The following SETD1B variants were observed in gnomAD, a reference collection of about 807,000 sequenced individuals.
SETD1B encodes the protein SET domain containing 1B, histone lysine methyltransferase.
SETD1B carries 7 observed loss-of-function variants against 148.0 expected under a neutral mutation model. The observed-to-expected ratio is 0.05, with a 90% confidence interval of 0.03 to 0.09. The LOEUF (loss-of-function observed/expected upper bound fraction) is 0.09, where lower values mean the gene tolerates loss of function less well. SETD1B is among the 10% of genes least tolerant of loss of function. The pLI, the probability that SETD1B is intolerant of heterozygous loss-of-function variation, is 1.00. For missense variants in SETD1B, 2,155 were observed against 2,729.9 expected, an observed-to-expected ratio of 0.79 and a Z score of 4.69; for synonymous variants, 1,361 against 1,186.5, an observed-to-expected ratio of 1.15 and a Z score of -3.02.
At chr12:121,799,872 A>G (rs1875241287), upstream of SETD1B, 1 of 152,222 alleles carries the variant, frequency 6.6e-6, no homozygotes, top group South Asian at 2.1e-4. Context: ...GTCAGAGTCA[A>G]ACTAGGCCTG....
At chr12:121,825,164 C>T (rs1267602322) in intron 12 of SETD1B, 36 bp from the exon 13 acceptor site, 8 of 1,547,474 alleles carry the variant, frequency 5.2e-6, no homozygotes, top group Non-Finnish European at 7.0e-6. Context: ...AGAAGGGGCT[C>T]TCAGAATGTC....
Position 121,808,264 on chromosome 12 carries a change from A to C in SETD1B, c.601A>C (p.Thr201Pro), listed in dbSNP as rs1875844267. 6.5e-7 allele frequency: 1 copy of C among 1,537,194 alleles called. No individual in the cohort carries two copies. Residue 201 changes from threonine to proline, a missense_variant, in exon 5 of 17, where the codon ACC (threonine) becomes CCC (proline). Physicochemically the swap from Thr to Pro is conservative, Grantham distance 38. Around this residue, in one of 11 missense-constraint regions of SETD1B, gnomAD observed 124 missense variants for 282.9 expected, o/e 0.44. Transcript: ENST00000604567. This position sits in a 1 kb window ranked among gnomAD's most constrained non-coding sequence, Gnocchi z 5.3. ...LLVTGRYTPQTLPVGELDAVS... is the reference protein window; with the variant it reads ...LLVTGRYTPQPLPVGELDAVS... The stretch of plus-strand genomic sequence containing the variant: ...GGTCACTGGCCGATACACCCCCCAG[A>C]CCCTCCCAGTGGGCGAGCTGGACGC...
chr12:121,804,598 T>G lies in SETD1B; in HGVS notation c.-14-126T>G, dbSNP rs1875619004. 1 of 746,558 alleles carries G rather than the reference T, an allele frequency of 1.3e-6. No individual in the cohort carries two copies. The highest frequency in any genetic ancestry group is 3.0e-5 in the Admixed American group (1 of 33,640). 46.2% of individuals were successfully genotyped at this position (746,558 alleles called of 1,614,324 possible). A position where few individuals can be genotyped will look rare whatever the true frequency, so the allele number is the denominator to read the frequency against. On this transcript the variant is annotated intron_variant, in intron 1 of 16. Transcript: ENST00000604567. The surrounding 1 kb of genome is among the most constrained non-coding windows in gnomAD (Gnocchi z 4.6). The stretch of plus-strand genomic sequence containing the variant: ...TTTTGGGGGGAGCCAGCGAGACAGC[T>G]CCTTTCGGGGCGCGCTGGCAAGGTG...
chr12:121,798,825 GC>G, the SETD1B span, among the ~76,000 whole-genome samples: 1 of 152,192 alleles, frequency 6.6e-6, no homozygotes, highest in African/African-American at 2.4e-5. Flanking sequence ...ACCAAGGGCC[GC>G]CATCTCCAGC....
chr12:121,809,728 C>T lies in SETD1B; in HGVS notation c.783C>T (p.Cys261=). The T allele has an allele frequency of 1.3e-6, 2 of 1,551,590 alleles. No homozygotes were observed. Among genetic ancestry groups the T allele is most frequent in the Non-Finnish European group, 1.7e-6 (2 of 1,146,984 alleles). ...CCCAGGACACAGCTTATTCCAGCTG[C>T]CGCCTGGACACACCCAACTCCTATG... ...PFSQDTAYSS[C]RLDTPNSYGQ... The change falls in exon 6 of 17, where the codon TGC becomes TGT. Residue 261 remains cysteine, a synonymous_variant. Coordinates refer to ENST00000604567, the MANE Select transcript of SETD1B (RefSeq NM_001353345.2).
chr12:121,810,758 G>A lies in SETD1B; in HGVS notation c.1813G>A (p.Gly605Arg), dbSNP rs1875995057. 3 of 1,549,654 alleles carry A rather than the reference G, an allele frequency of 1.9e-6. No homozygotes were observed. The highest frequency in any genetic ancestry group is 2.4e-5 in the South Asian group (2 of 83,924). ...PPEPGPPDPA[G>R]LLSQTAEVAL... ...TGAGCCAGGCCCCCCGGACCCTGCT[G>A]GGCTTCTGAGCCAGACAGCTGAGGT... The change falls in exon 6 of 17, where the codon GGG (glycine) becomes AGG (arginine). Residue 605 changes from glycine (G) to arginine (R), a missense_variant. Gly to Arg is a moderately radical substitution (Grantham distance 125). This residue lies in a region of SETD1B where 295 missense variants were observed against 303.8 expected (regional missense o/e 0.97). Coordinates refer to ENST00000604567, the MANE Select transcript of SETD1B (RefSeq NM_001353345.2). The surrounding 1 kb of genome is among the most constrained non-coding windows in gnomAD (Gnocchi z 7.6).
chr12:121,832,603 T>C lies in SETD1B; in HGVS notation c.*2364T>C. 3.8e-6 allele frequency: 1 copy of C among 260,766 alleles called. No homozygotes were observed. Among genetic ancestry groups the C allele is most frequent in the Non-Finnish European group, 7.4e-6 (1 of 135,344 alleles). 16.2% of individuals were successfully genotyped at this position (260,766 alleles called of 1,614,324 possible). A position where few individuals can be genotyped will look rare whatever the true frequency, so the allele number is the denominator to read the frequency against. On this transcript the variant is annotated 3_prime_UTR_variant, in exon 17 of 17. Transcript: ENST00000604567. ...GTGAATTCAATACTATGTACCATTG[T>C]ATTATAGTAACTTTTATAAAGCAAA...
At position 121,814,707 on chromosome 12, in the gene SETD1B, G is replaced by A. The variant is rs1012451896; in HGVS notation, c.2492G>A (p.Gly831Glu). The change falls in exon 7 of 17, where the codon GGG (glycine) becomes GAG (glutamate). Residue 831 changes from glycine (G) to glutamate (E), a missense_variant. By Grantham distance (98) the Gly-to-Glu change is moderately conservative. This residue lies in a region of SETD1B where 289 missense variants were observed against 423.7 expected (regional missense o/e 0.68). Transcript: ENST00000604567. ...CTGAGCAACTCCGGCCCAGGCCGCG[G>A]GCAGCACTGGCCACCACTGCCCAAG... ...FSLSNSGPGR[G>E]QHWPPLPKFD... The A allele has an allele frequency of 4.5e-6, 7 of 1,550,558 alleles. No individual in the cohort carries two copies. In the East Asian group the frequency reaches 1.7e-4, roughly 38 times the overall value.
chr12:121,803,157 G>T (rs1442278148), upstream of SETD1B: 1 of 149,594 alleles, frequency 6.7e-6, no homozygotes, highest in Non-Finnish European at 1.5e-5. The surrounding 1 kb of genome is among the most constrained non-coding windows in gnomAD (Gnocchi z 4.7). Context: ...CGGCAGAGGG[G>T]GCTGCAAACG....
chr12:121,813,612 G>A (rs1026612725), intron 6 of SETD1B, among the ~76,000 whole-genome samples: 1 of 152,138 alleles, frequency 6.6e-6, no homozygotes, highest in South Asian at 2.1e-4. Context: ...GTTTAGAAAG[G>A]CCCTGGCACA....
chr12:121,798,496 G>A, the SETD1B span, among the ~76,000 whole-genome samples: 4 of 152,328 alleles, frequency 2.6e-5, no homozygotes, highest in Middle Eastern at 3.4e-3. Context: ...TGGGAGGAGG[G>A]CCTCTTTAAC....
Position 121,822,743 on chromosome 12 carries a change from G to A in SETD1B, c.4164G>A (p.Pro1388=), listed in dbSNP as rs937085254. ...TVPATPGGEP[P]LSGGSSGLSL... ...CAGCCACACCAGGCGGGGAGCCCCC[G>A]CTATCAGGGGGCAGCAGTGGCCTGT... is the stretch of plus-strand genomic sequence containing the variant. Residue 1388 remains proline (P), a synonymous_variant, in exon 12 of 17, where the codon CCG becomes CCA. Transcript: ENST00000604567. The A allele has an allele frequency of 4.1e-5, 62 of 1,515,566 alleles. No individual in the cohort carries two copies. The highest frequency in any genetic ancestry group is 5.0e-5 in the Non-Finnish European group (56 of 1,124,128). The allele number at this position is 1,515,566 out of a possible 1,614,324, so 93.9% of individuals were successfully genotyped here.
Position 121,805,456 on chromosome 12 carries a change from G to T in SETD1B, c.273+240G>T, listed in dbSNP as rs1307521537. Among the ~76,000 whole-genome samples, 1 of 152,140 alleles carries T rather than the reference G, an allele frequency of 6.6e-6. No individual in the cohort carries two copies. Among genetic ancestry groups the T allele is most frequent in the African/African-American group, 2.4e-5 (1 of 41,414 alleles). The stretch of plus-strand genomic sequence containing the variant: ...TACAGTGTCCTGCACGCCCCGCGGG[G>T]GGCTCGGCTCCGAGACTCTCCCCTC... On this transcript the variant is annotated intron_variant, in intron 3 of 16. Coordinates refer to ENST00000604567, the MANE Select transcript of SETD1B (RefSeq NM_001353345.2). The surrounding 1 kb of genome is among the most constrained non-coding windows in gnomAD (Gnocchi z 4.2).
rs1877117390 is a variant in SETD1B at position 121,831,950 on chromosome 12, G to A, written c.*1711G>A. On this transcript the variant is annotated 3_prime_UTR_variant, in exon 17 of 17. Coordinates refer to ENST00000604567, the MANE Select transcript of SETD1B (RefSeq NM_001353345.2). ...CTCTCTATTTGAGACTGTGCCCGCC[G>A]GTTTCAAGATCAAGGAAATTGGTGG... 1.3e-5 allele frequency: 2 copies of A among 151,790 alleles called. No individual in the cohort carries two copies. The highest frequency in any genetic ancestry group is 6.6e-5 in the Admixed American group (1 of 15,222). 9.4% of individuals were successfully genotyped at this position (151,790 alleles called of 1,614,324 possible).
At position 121,805,337 on chromosome 12, in the gene SETD1B, T is replaced by A; in HGVS notation, c.273+121T>A. The A allele has an allele frequency of 1.2e-6, 1 of 851,040 alleles. No individual in the cohort carries two copies. The highest frequency in any genetic ancestry group is 1.9e-6 in the Non-Finnish European group (1 of 535,742). The allele number at this position is 851,040 out of a possible 1,614,324, so 52.7% of individuals were successfully genotyped here. Reference sequence around the variant, plus strand: ...CCCGCCGTCCGGGGCCAGGGAAGTTTTGGCGGGGAGGGGTAGAGCGCTGGC... The same window carrying A: ...CCCGCCGTCCGGGGCCAGGGAAGTTATGGCGGGGAGGGGTAGAGCGCTGGC... On this transcript the variant is annotated intron_variant, in intron 3 of 16. Transcript: ENST00000604567. This position sits in a 1 kb window ranked among gnomAD's most constrained non-coding sequence, Gnocchi z 4.2.
chr12:121,814,579 C>T lies in SETD1B; in HGVS notation c.2364C>T (p.Gly788=). ...QTQVLSRLMT[G]QGACPYPPFM... is the part of the protein sequence containing the mutation. ...AGGTGCTCAGCCGGCTGATGACGGG[C>T]CAGGGCGCCTGCCCCTACCCGCCCT... Residue 788 remains glycine (G), a synonymous_variant, in exon 7 of 17, where the codon GGC becomes GGT. Transcript: ENST00000604567. 1 of 1,519,634 alleles carries T rather than the reference C, an allele frequency of 6.6e-7. No homozygotes were observed. Among genetic ancestry groups the T allele is most frequent in the East Asian group, 2.5e-5 (1 of 40,358 alleles). 94.1% of individuals were successfully genotyped at this position (1,519,634 alleles called of 1,614,324 possible).
intron 12 of SETD1B, among the ~76,000 whole-genome samples, chr12:121,824,530 C>T (rs1876745010): frequency 6.6e-6 from 1 of 152,148 alleles, no homozygotes; most frequent in African/African-American, 2.4e-5. Flanking sequence ...GCCTATAATT[C>T]CAGCTACTCT....
intron 16 of SETD1B, among the ~76,000 whole-genome samples, chr12:121,828,910 C>A (rs1049924478): frequency 6.6e-6 from 1 of 152,230 alleles, no homozygotes; most frequent in African/African-American, 2.4e-5. Flanking sequence ...TTCGTTGTGA[C>A]TTGATCCTTG....
At position 121,830,003 on chromosome 12, in the gene SETD1B, G is replaced by C. The variant is rs1877017402; in HGVS notation, c.5728-63G>C. 13 of 1,476,466 alleles carry C rather than the reference G, an allele frequency of 8.8e-6. No individual in the cohort carries two copies. Among genetic ancestry groups the C allele is most frequent in the Admixed American group, 2.1e-5 (1 of 48,700 alleles). 91.5% of individuals were successfully genotyped at this position (1,476,466 alleles called of 1,614,324 possible). A position where few individuals can be genotyped will look rare whatever the true frequency, so the allele number is the denominator to read the frequency against. ...GCACAGGCCTGGTTGGGTTTGGGGGGTCTGCAGTGGTGGGGGACCCTGGGG... is the reference window on the plus strand; with the variant it reads ...GCACAGGCCTGGTTGGGTTTGGGGGCTCTGCAGTGGTGGGGGACCCTGGGG... On this transcript the variant is annotated intron_variant, in intron 16 of 16. Coordinates refer to ENST00000604567, the MANE Select transcript of SETD1B (RefSeq NM_001353345.2). The surrounding 1 kb of genome is among the most constrained non-coding windows in gnomAD (Gnocchi z 5.7).
Sources: gnomAD v4.1 joint callset for allele counts (sites outside exome capture counted in the v4.1 genomes callset) on GRCh38, gnomAD v4.1.1 for gene constraint, gnomAD v4.1.1 regional missense constraint, Gnocchi (gnomAD v3.1) non-coding constraint, MANE v1.5 for transcripts, NCBI Gene and HGNC (gene_info 2026-07-23, HGNC 2026-07-21) for gene names.